The following NPTN variants were observed in gnomAD, a reference collection of about 807,000 sequenced individuals.
The protein encoded by NPTN is SDR-1.
A neutral mutation model predicts 42.7 loss-of-function variants in NPTN; 5 were observed. The observed-to-expected ratio is 0.12, with a 90% CI of 0.06 to 0.25. The LOEUF (loss-of-function observed/expected upper bound fraction) is 0.25. Among genes scored for constraint, NPTN ranks in the 10% least tolerant of loss-of-function variants. The pLI is 1.00. For missense variants in NPTN, 307 were observed against 525.4 expected (o/e 0.58, Z 4.06); for synonymous variants, 180 against 201.9 (o/e 0.89, Z 0.92).
chr15:73,622,662 C>A (rs1218020887), intron 1 of NPTN, among the ~76,000 whole-genome samples: 1 of 152,140 alleles, frequency 6.6e-6, no homozygotes, highest in African/African-American at 2.4e-5. Context: ...CAATGCTACT[C>A]TAACCTATAT....
chr15:73,624,458 A>G (rs1437008506), intron 1 of NPTN, among the ~76,000 whole-genome samples: 1 of 152,214 alleles, frequency 6.6e-6, no homozygotes, highest in Non-Finnish European at 1.5e-5. Flanking sequence ...AATGATTCCC[A>G]AACCTGCTAA....
At chr15:73,583,326 C>T (rs7166673) in intron 4 of NPTN, among the ~76,000 whole-genome samples, 15,532 of 152,160 alleles carry the variant, frequency 0.1, 975 homozygotes, top group African/African-American at 0.17. Context: ...CTTAGGAGCA[C>T]AGGATCTAGT....
At chr15:73,583,542 T>C (rs1896165257) in intron 4 of NPTN, among the ~76,000 whole-genome samples, 1 of 152,204 alleles carries the variant, frequency 6.6e-6, no homozygotes, top group South Asian at 2.1e-4. Context: ...TGCAATAATG[T>C]TAGCTATTCT....
At chr15:73,594,324 T>A (rs1185305871) in intron 2 of NPTN, among the ~76,000 whole-genome samples, 1 of 152,210 alleles carries the variant, frequency 6.6e-6, no homozygotes, top group East Asian at 1.9e-4. Flanking sequence ...AAATGACCAC[T>A]GCAGCTCAGG....
At chr15:73,586,627 T>C (rs1249216301) in intron 4 of NPTN, among the ~76,000 whole-genome samples, 3 of 152,248 alleles carry the variant, frequency 2.0e-5, no homozygotes, top group Non-Finnish European at 4.4e-5. Flanking sequence ...ATACCTATTA[T>C]ACGGGCCCTT....
intron 5 of NPTN, 113 bp downstream of exon 5, chr15:73,573,549 C>A: frequency 8.2e-7 from 1 of 1,217,044 alleles, no homozygotes; most frequent in Non-Finnish European, 1.1e-6. Context: ...GAAAGGGTGA[C>A]CCTCGCCATG....
rs565487997 is a variant in NPTN, at chr15:73,611,227, C to T, written c.92-13858G>A. Among the ~76,000 whole-genome samples the T allele has an allele frequency of 9.9e-5, 15 of 152,202 alleles. No individual in the cohort carries two copies. The East Asian group carries it at 1.7e-3, about 18-fold the overall frequency. ...GAAGACAATCATTCTTAAAGTAATA[C>T]GCAATTTCACTCCCATTAAATGGGA... On this transcript the variant is annotated intron_variant, in intron 1 of 8. Transcript: ENST00000345330.
At chr15:73,582,725 G>A (rs1797107127) in intron 4 of NPTN, among the ~76,000 whole-genome samples, 1 of 152,146 alleles carries the variant, frequency 6.6e-6, no homozygotes, top group African/African-American at 2.4e-5. Context: ...CACAAGACAG[G>A]GAGATGAGTG....
At chr15:73,612,382 GCACTCTAA>G (rs1262445905) in intron 1 of NPTN, among the ~76,000 whole-genome samples, 1 of 147,196 alleles carries the variant, frequency 6.8e-6, no homozygotes, top group Non-Finnish European at 1.5e-5. Context: ...TCACACCACT[GCACTCTAA>G]CCTAGGCCCA....
intron 1 of NPTN, among the ~76,000 whole-genome samples, chr15:73,620,825 C>T (rs1898097645): frequency 6.6e-6 from 1 of 152,196 alleles, no homozygotes; most frequent in African/African-American, 2.4e-5. Context: ...CATTACAGCA[C>T]AACTGTATCG....
chr15:73,563,233 T>TA lies in NPTN; in HGVS notation c.1136+2dup, dbSNP rs753304270. ...TTGAATCAATGTCCAATAAAGTACT[T>TA]ACATTGGTCCAGCTGGTTCATCATC... On this transcript the variant is annotated splice_region_variant and intron_variant, in intron 7 of 8. Transcript: ENST00000345330. The TA allele has an allele frequency of 6.3e-7, 1 of 1,581,626 alleles. No homozygotes were observed. Among genetic ancestry groups the TA allele is most frequent in the South Asian group, 1.1e-5 (1 of 90,316 alleles).
intron 1 of NPTN, among the ~76,000 whole-genome samples, chr15:73,626,039 T>C (rs762257435): frequency 1.3e-5 from 2 of 152,206 alleles, no homozygotes; most frequent in African/African-American, 2.4e-5. Context: ...TCGACTATAA[T>C]GGACGGATTT....
chr15:73,609,541 G>A (rs1465845660), intron 1 of NPTN, among the ~76,000 whole-genome samples: 1 of 152,170 alleles, frequency 6.6e-6, no homozygotes, highest in Non-Finnish European at 1.5e-5. Context: ...TGAGGCAGGA[G>A]AATCGCTTGA....
intron 5 of NPTN, among the ~76,000 whole-genome samples, chr15:73,571,057 G>A (rs1335050627): frequency 1.3e-5 from 2 of 152,162 alleles, no homozygotes; most frequent in African/African-American, 4.8e-5. Flanking sequence ...AAGGTGGGAG[G>A]ATCGCTTGAG....
At chr15:73,628,116 T>C (rs1156571960) in intron 1 of NPTN, among the ~76,000 whole-genome samples, 1 of 152,240 alleles carries the variant, frequency 6.6e-6, no homozygotes, top group East Asian at 1.9e-4. Context: ...TATAAAATGA[T>C]AATGTTTTGT....
chr15:73,593,630 T>C (rs2141402945), intron 2 of NPTN, among the ~76,000 whole-genome samples: 1 of 152,342 alleles, frequency 6.6e-6, no homozygotes, highest in South Asian at 2.1e-4. Context: ...TTGGGAAATG[T>C]AATGTCTTAA....
chr15:73,593,724 G>C (rs1282895514), intron 2 of NPTN, among the ~76,000 whole-genome samples: 1 of 152,228 alleles, frequency 6.6e-6, no homozygotes, highest in Non-Finnish European at 1.5e-5. Flanking sequence ...CCTTAAGTTT[G>C]CTCAATTAAC....
intron 2 of NPTN, among the ~76,000 whole-genome samples, chr15:73,592,448 C>G (rs1452769976): frequency 1.3e-5 from 2 of 152,130 alleles, no homozygotes; most frequent in Non-Finnish European, 2.9e-5. Context: ...TTATAAGAAC[C>G]ACCAAACAAT....
intron 1 of NPTN, among the ~76,000 whole-genome samples, chr15:73,598,010 C>T (rs1464418568): frequency 6.6e-6 from 1 of 152,172 alleles, no homozygotes; most frequent in Non-Finnish European, 1.5e-5. Context: ...CTTCCCTGGG[C>T]CTATGGCAAA....
Sources: allele counts gnomAD v4.1 joint callset (sites outside exome capture counted in the v4.1 genomes callset), GRCh38; gene constraint gnomAD v4.1.1; transcripts MANE v1.5; gene names NCBI Gene and HGNC (gene_info 2026-07-23, HGNC 2026-07-21).